The following SERHL2 variants were observed in gnomAD, a reference collection of about 807,000 sequenced individuals.
SERHL2 encodes the protein serine hydrolase like 2.
In SERHL2, 29 loss-of-function variants were observed where a neutral mutation model predicts 25.5. That is an observed-to-expected ratio of 1.14 (90% CI 0.85 to 1.55). SERHL2 has a LOEUF of 1.55. Ranked by LOEUF, SERHL2 falls within the 40% of genes most tolerant of loss-of-function variation. The pLI, the probability that SERHL2 is intolerant of heterozygous loss-of-function variation, is 0.00. For missense variants in SERHL2, 240 were observed against 252.3 expected (o/e 0.95, Z 0.33); for synonymous variants, 95 against 103.5 (o/e 0.92, Z 0.50).
intron 10 of SERHL2, among the ~76,000 whole-genome samples, chr22:42,572,104 T>A (rs1360873597): frequency 2.6e-5 from 4 of 152,062 alleles, no homozygotes; most frequent in African/African-American, 9.7e-5. Context: ...TGTGAAGACA[T>A]AAATTCTCTC....
Position 42,571,476 on chromosome 22 carries a change from A to G in SERHL2, c.731+273A>G, listed in dbSNP as rs1924180780. The G allele has an allele frequency of 3.3e-5, 43 of 1,298,198 alleles. No homozygotes were observed. The South Asian group carries it at 8.1e-4, about 25-fold the overall frequency. The allele number at this position is 1,298,198 out of a possible 1,614,324, so 80.4% of individuals were successfully genotyped here. Reference sequence around the variant, plus strand: ...GGGGCATGCCCAGGTAAGGCTCCATAACCAGTGAGCCCAGTCTCGGCTGAC... The same window carrying G: ...GGGGCATGCCCAGGTAAGGCTCCATGACCAGTGAGCCCAGTCTCGGCTGAC... On this transcript the variant is annotated intron_variant, in intron 10 of 11. Coordinates refer to ENST00000327678, the MANE Select transcript of SERHL2 (RefSeq NM_014509.5).
chr22:42,564,474 C>G (rs1349876350), intron 8 of SERHL2, among the ~76,000 whole-genome samples: 1 of 151,208 alleles, frequency 6.6e-6, no homozygotes, highest in Non-Finnish European at 1.5e-5. Flanking sequence ...TTTTGTCGTC[C>G]AAGCTGGAGT....
intron 7 of SERHL2, 113 bp from the exon 8 acceptor site, chr22:42,560,073 A>C (rs1470665659): frequency 1.3e-6 from 1 of 769,856 alleles, no homozygotes; most frequent in South Asian, 1.5e-5. Context: ...TGTCCTCCCA[A>C]AGTGCTGGGA....
At chr22:42,567,140 T>A (rs1368239728) in intron 9 of SERHL2, among the ~76,000 whole-genome samples, 2 of 147,500 alleles carry the variant, frequency 1.4e-5, no homozygotes, top group Admixed American at 6.9e-5. Flanking sequence ...TGGTAGAACA[T>A]TGGACACATG....
At chr22:42,562,122 T>C (rs1922756971) in intron 8 of SERHL2, among the ~76,000 whole-genome samples, 1 of 151,706 alleles carries the variant, frequency 6.6e-6, no homozygotes, top group African/African-American at 2.4e-5. Flanking sequence ...AGACAAGCCC[T>C]CTGCAGCAGT....
At chr22:42,572,608 C>G in intron 11 of SERHL2, 79 bp downstream of exon 11, 1 of 1,558,286 alleles carries the variant, frequency 6.4e-7, no homozygotes, top group Non-Finnish European at 8.7e-7. Context: ...TTCTCATGCA[C>G]TGGGAAGACC....
At chr22:42,570,265 T>C (rs1488895877) in intron 9 of SERHL2, among the ~76,000 whole-genome samples, 2 of 151,878 alleles carry the variant, frequency 1.3e-5, no homozygotes, top group African/African-American at 4.8e-5. Flanking sequence ...CTACTAAAAA[T>C]ACAAAATTAG....
At chr22:42,566,653 A>C (rs1407936907) in intron 9 of SERHL2, among the ~76,000 whole-genome samples, 1 of 152,056 alleles carries the variant, frequency 6.6e-6, no homozygotes, top group Non-Finnish European at 1.5e-5. Flanking sequence ...CATTAAATAC[A>C]GTCGATGGAG....
chr22:42,564,419 GAC>G (rs1348274074), intron 8 of SERHL2, among the ~76,000 whole-genome samples: 1 of 149,954 alleles, frequency 6.7e-6, no homozygotes, highest in East Asian at 2.1e-4. Flanking sequence ...ACTGAGGCCC[GAC>G]ACAGGATTTT....
In SERHL2 at chr22:42,560,102, G is replaced by A. The variant is rs749064113; in HGVS notation, c.534-84G>A. On this transcript the variant is annotated intron_variant, in intron 7 of 11. Coordinates refer to ENST00000327678, the MANE Select transcript of SERHL2 (RefSeq NM_014509.5). ...GCTGGGATTACAGGCATGAGCCACC[G>A]TCCCCCCCGGCCCTCCTCTCCTTTT... 90 of 999,714 alleles carry A rather than the reference G, an allele frequency of 9.0e-5. 2 individuals carry two copies. The highest frequency in any genetic ancestry group is 8.5e-4 in the South Asian group (66 of 77,860). 61.9% of individuals were successfully genotyped at this position (999,714 alleles called of 1,614,324 possible).
chr22:42,559,643 C>T (rs554665536), intron 7 of SERHL2, among the ~76,000 whole-genome samples: 4 of 151,368 alleles, frequency 2.6e-5, no homozygotes, highest in African/African-American at 4.8e-5. Context: ...GGCATGAACC[C>T]GGGAGGCAGA....
intron 8 of SERHL2, among the ~76,000 whole-genome samples, chr22:42,566,003 C>A (rs983193680): frequency 1.3e-5 from 2 of 152,042 alleles, no homozygotes; most frequent in Admixed American, 6.5e-5. Flanking sequence ...TTCTCAGAGA[C>A]TAGAGCTCCA....
Position 42,573,983 on chromosome 22 carries a change from C to T in SERHL2, c.873C>T (p.Ser291=), listed in dbSNP as rs148735345. ...CAGGCAATCACTGTGTCCACATGAG[C>T]GAACCCCAGCACGTGGCCAGTATCA... ...EVPGNHCVHM[S]EPQHVASIIS... The change falls in exon 12 of 12, where the codon AGC becomes AGT. Residue 291 remains serine (S), a synonymous_variant. Transcript: ENST00000327678. 887 of 1,610,206 alleles carry T rather than the reference C, an allele frequency of 5.5e-4. 6 individuals are homozygous for T. In the African/African-American group the frequency reaches 9.8e-3, roughly 18 times the overall value.
At chr22:42,572,677 A>C (rs1601863066) in intron 11 of SERHL2, 148 bp downstream of exon 11, 6 of 1,415,910 alleles carry the variant, frequency 4.2e-6, no homozygotes, top group Non-Finnish European at 5.5e-6. Context: ...CTCATGCTCC[A>C]CTGTGGTCAG....
chr22:42,574,190 T>C lies in SERHL2; in HGVS notation c.*135T>C. On this transcript the variant is annotated 3_prime_UTR_variant, in exon 12 of 12. Coordinates refer to ENST00000327678, the MANE Select transcript of SERHL2 (RefSeq NM_014509.5). ...CTTGAGGCCCAGCCTAGGATGGTAGTCAGGGGAAGGAGCGAGATTCCAACT... is the reference window on the plus strand; with the variant it reads ...CTTGAGGCCCAGCCTAGGATGGTAGCCAGGGGAAGGAGCGAGATTCCAACT... 1 of 751,604 alleles carries C rather than the reference T, an allele frequency of 1.3e-6. No homozygotes were observed. The highest frequency in any genetic ancestry group is 1.8e-5 in the South Asian group (1 of 56,522). 46.6% of individuals were successfully genotyped at this position (751,604 alleles called of 1,614,324 possible).
chr22:42,563,677 C>T (rs561643441), intron 8 of SERHL2, among the ~76,000 whole-genome samples: 5 of 151,862 alleles, frequency 3.3e-5, no homozygotes, highest in African/African-American at 9.6e-5. Flanking sequence ...AATAGATTGC[C>T]CACATTTTAT....
intron 11 of SERHL2, 105 bp from the exon 12 acceptor site, chr22:42,573,831 C>A: frequency 3.7e-6 from 4 of 1,073,280 alleles, no homozygotes; most frequent in Non-Finnish European, 5.5e-6. Context: ...GCGCTCCTGA[C>A]CTGCAGGGAG....
At chr22:42,569,497 C>G (rs192074560) in intron 9 of SERHL2, 1 of 151,860 alleles carries the variant, frequency 6.6e-6, no homozygotes, top group Non-Finnish European at 1.5e-5. Flanking sequence ...TGACCTCAGG[C>G]GATCCACCTG....
chr22:42,572,799 G>T, intron 11 of SERHL2: 1 of 786,514 alleles, frequency 1.3e-6, no homozygotes, highest in Non-Finnish European at 1.5e-6. Flanking sequence ...TGAGTAGCTG[G>T]GATTACAGGC....
Sources: gnomAD v4.1 joint callset for allele counts (sites outside exome capture counted in the v4.1 genomes callset) on GRCh38, gnomAD v4.1.1 for gene constraint, MANE v1.5 for transcripts, NCBI Gene and HGNC (gene_info 2026-07-23, HGNC 2026-07-21) for gene names.